Variants in KIF2A observed in about 807,000 individuals in gnomAD.
The protein encoded by KIF2A is kinesin family member 2A.
In KIF2A, 22 loss-of-function variants were observed where a neutral mutation model predicts 100.2. The ratio of observed to expected loss-of-function variants is 0.22; its 90% CI spans 0.16 to 0.31. KIF2A has a LOEUF of 0.31. Ranked by LOEUF, KIF2A falls within the 10% of genes least tolerant of loss-of-function variation. The pLI, the probability that KIF2A is intolerant of heterozygous loss-of-function variation, is 1.00. For synonymous variants in KIF2A, 268 were observed against 285.9 expected (o/e 0.94, Z 0.63); for missense variants, 495 against 898.7 (o/e 0.55, Z 5.74).
At chr5:62,359,060 G>T (rs927241591) in intron 9 of KIF2A, among the ~76,000 whole-genome samples, 2 of 152,118 alleles carry the variant, frequency 1.3e-5, no homozygotes, top group South Asian at 2.1e-4. Flanking sequence ...TTCCGTACTT[G>T]TATTTAAATT....
chr5:62,361,197 C>G (rs1748387149), intron 9 of KIF2A, 45 bp from the exon 10 acceptor site: 3 of 1,046,574 alleles, frequency 2.9e-6, no homozygotes, highest in East Asian at 5.1e-5. Context: ...TATTATTCAT[C>G]AAAATATTGG....
At chr5:62,379,561 C>T (rs1741690721) in intron 19 of KIF2A, among the ~76,000 whole-genome samples, 2 of 151,574 alleles carry the variant, frequency 1.3e-5, no homozygotes, top group Admixed American at 6.6e-5. Context: ...ACTTGGGAGG[C>T]TGAGGCAGGA....
At chr5:62,310,561 T>C (rs1388101518) in intron 1 of KIF2A, among the ~76,000 whole-genome samples, 1 of 151,610 alleles carries the variant, frequency 6.6e-6, no homozygotes, top group East Asian at 1.9e-4. Context: ...TCTGTACTGC[T>C]ACCTCCCTAC....
intron 20 of KIF2A, among the ~76,000 whole-genome samples, chr5:62,384,263 A>C (rs1580109940): frequency 6.6e-6 from 1 of 152,218 alleles, no homozygotes; most frequent in African/African-American, 2.4e-5. Flanking sequence ...AAAACAGAAC[A>C]GTAACAGTTT....
intron 1 of KIF2A, among the ~76,000 whole-genome samples, chr5:62,344,082 A>T (rs1580051117): frequency 6.6e-6 from 1 of 152,176 alleles, no homozygotes; most frequent in Non-Finnish European, 1.5e-5. Flanking sequence ...GCAGTGGCTC[A>T]CGCCTGTAAT....
chr5:62,365,224 T>G lies in KIF2A; in HGVS notation c.1468-19T>G. 1 of 1,289,160 alleles carries G rather than the reference T, an allele frequency of 7.8e-7. No individual in the cohort carries two copies. The highest frequency in any genetic ancestry group is 1.1e-6 in the Non-Finnish European group (1 of 906,964). 79.9% of individuals were successfully genotyped at this position (1,289,160 alleles called of 1,614,324 possible). A position where few individuals can be genotyped will look rare whatever the true frequency, so the allele number is the denominator to read the frequency against. ...TATAAGAAAGACTAATCTGTGAGAC[T>G]TGTTTTCTTAATTTTCAGGAGTGCA... is the stretch of plus-strand genomic sequence containing the variant. On this transcript the variant is annotated intron_variant, in intron 14 of 20. Transcript: ENST00000407818.
intron 1 of KIF2A, among the ~76,000 whole-genome samples, chr5:62,339,439 A>G (rs1241506505): frequency 1.3e-5 from 2 of 151,682 alleles, no homozygotes; most frequent in Non-Finnish European, 2.9e-5. Flanking sequence ...GCAGGGATGA[A>G]TATACAAACT....
chr5:62,355,799 CTT>C (rs869252403), intron 7 of KIF2A, among the ~76,000 whole-genome samples: 16 of 137,058 alleles, frequency 1.2e-4, no homozygotes, highest in South Asian at 2.3e-4. Context: ...CAGGGAGTGC[CTT>C]TTTTTTTTTT....
chr5:62,384,206 G>A (rs987111820), intron 20 of KIF2A, among the ~76,000 whole-genome samples: 11 of 152,020 alleles, frequency 7.2e-5, no homozygotes, highest in African/African-American at 2.7e-4. Flanking sequence ...CCGAGATCAC[G>A]CCACTGCACT....
At chr5:62,320,082 A>G (rs910480145) in intron 1 of KIF2A, among the ~76,000 whole-genome samples, 6 of 152,288 alleles carry the variant, frequency 3.9e-5, no homozygotes, top group Admixed American at 1.3e-4. Flanking sequence ...GTGTAAATAT[A>G]TACCTTTTTC....
intron 1 of KIF2A, among the ~76,000 whole-genome samples, chr5:62,331,753 A>G (rs1580022869): frequency 1.1e-5 from 1 of 87,134 alleles, no homozygotes; most frequent in East Asian, 2.7e-4. Flanking sequence ...GGTAGTTAGA[A>G]ATAGAAACGA....
chr5:62,347,545 A>G (rs1467384674), intron 2 of KIF2A, among the ~76,000 whole-genome samples: 1 of 152,230 alleles, frequency 6.6e-6, no homozygotes, highest in Non-Finnish European at 1.5e-5. Flanking sequence ...AGTCAAGACT[A>G]TAAAATGATA....
At position 62,365,867 on chromosome 5, in the gene KIF2A, T is replaced by C. The variant is rs113472344; in HGVS notation, c.1578+514T>C. On this transcript the variant is annotated intron_variant, in intron 15 of 20. Transcript: ENST00000407818. ...TGCTTATAGTTTGCCTTGTATAATA[T>C]ATGTCTAGGTCTGGAATCAGCTAGG... 3.2e-3 allele frequency among the ~76,000 whole-genome samples: 481 copies of C among 152,272 alleles called. 4 individuals carry two copies. The highest frequency in any genetic ancestry group is 0.011 in the African/African-American group (459 of 41,556).
At chr5:62,314,036 C>G (rs768936811) in intron 1 of KIF2A, among the ~76,000 whole-genome samples, 7 of 152,152 alleles carry the variant, frequency 4.6e-5, no homozygotes, top group Non-Finnish European at 8.8e-5. Flanking sequence ...AAGCAATTCT[C>G]CCTCTTTGGC....
chr5:62,362,387 T>G, intron 11 of KIF2A, 63 bp from the exon 12 acceptor site: 1 of 721,828 alleles, frequency 1.4e-6, no homozygotes, highest in Non-Finnish European at 2.1e-6. Flanking sequence ...AAATAGAAAA[T>G]TTGAGTTGCT....
At chr5:62,311,325 A>C (rs765148333) in intron 1 of KIF2A, among the ~76,000 whole-genome samples, 7 of 152,234 alleles carry the variant, frequency 4.6e-5, no homozygotes, top group Non-Finnish European at 1.0e-4. Context: ...GAAAGGCACC[A>C]GCGAGCAGTG....
chr5:62,315,202 TCTGG>T (rs1374523550), intron 1 of KIF2A, among the ~76,000 whole-genome samples: 3 of 140,178 alleles, frequency 2.1e-5, no homozygotes, highest in Non-Finnish European at 3.0e-5. Flanking sequence ...GGTTTATAAC[TCTGG>T]CTGCTCAATA....
Position 62,376,929 on chromosome 5 carries a change from G to A in KIF2A, c.1912-732G>A, listed in dbSNP as rs201060188. 9.9e-5 allele frequency among the ~76,000 whole-genome samples: 15 copies of A among 152,214 alleles called. No homozygotes were observed. The East Asian group carries it at 2.1e-3, about 22-fold the overall frequency. ...ATACACAAGTCCCACAGCTGGCCCC[G>A]TGGAACTTGCAAATATGAAAAGTTG... On this transcript the variant is annotated intron_variant, in intron 18 of 20. Coordinates refer to ENST00000407818, the MANE Select transcript of KIF2A (RefSeq NM_001098511.3).
At chr5:62,364,919 AC>A (rs1740996274) in intron 14 of KIF2A, among the ~76,000 whole-genome samples, 1 of 152,036 alleles carries the variant, frequency 6.6e-6, no homozygotes, top group South Asian at 2.1e-4. Flanking sequence ...GCATGGTGAA[AC>A]CCCATCTCTA....
Sources: allele counts gnomAD v4.1 joint callset (sites outside exome capture counted in the v4.1 genomes callset), GRCh38; gene constraint gnomAD v4.1.1; transcripts MANE v1.5; gene names NCBI Gene and HGNC (gene_info 2026-07-23, HGNC 2026-07-21).